C3orf18: variants seen among roughly 807,000 people sequenced by gnomAD.
C3orf18 encodes uncharacterized protein C3orf18.
A neutral mutation model predicts 14.1 loss-of-function variants in C3orf18; 12 were observed. The observed-to-expected ratio is 0.85, with a 90% CI of 0.55 to 1.38. C3orf18 has a LOEUF of 1.38. Ranked by LOEUF, C3orf18 falls within the 40% of genes most tolerant of loss-of-function variation. The pLI is 0.00. For synonymous variants in C3orf18, 82 were observed against 87.9 expected (o/e 0.93, Z 0.38); for missense variants, 196 against 213.9 (o/e 0.92, Z 0.52).
Position 50,559,441 on chromosome 3 carries a change from C to T in C3orf18, c.*216G>A. 7.1e-7 allele frequency: 1 copy of T among 1,404,358 alleles called. No homozygotes were observed. The allele number at this position is 1,404,358 out of a possible 1,614,324, so 87.0% of individuals were successfully genotyped here. ...GCCCTCTGTGCCAGGGCCCTCAGGTCAGGAGAAGTCAGTGGTCAGAAGTCC... is the reference window on the plus strand; with the variant it reads ...GCCCTCTGTGCCAGGGCCCTCAGGTTAGGAGAAGTCAGTGGTCAGAAGTCC... On this transcript the variant is annotated 3_prime_UTR_variant, in exon 6 of 6. Coordinates refer to ENST00000357203, the MANE Select transcript of C3orf18 (RefSeq NM_016210.5).
intron 4 of C3orf18, 55 bp downstream of exon 4, chr3:50,561,667 G>A: frequency 1.3e-6 from 2 of 1,568,862 alleles, no homozygotes; most frequent in Non-Finnish European, 1.8e-6. Context: ...GCCCAGCCCA[G>A]CACTCCCCAT....
At chr3:50,563,860 TC>T (rs1299017689) in intron 3 of C3orf18, among the ~76,000 whole-genome samples, 1 of 152,258 alleles carries the variant, frequency 6.6e-6, no homozygotes, top group Non-Finnish European at 1.5e-5. Context: ...ACAAAACCTT[TC>T]ACTGAAAGTA....
chr3:50,573,131 C>T (rs1701203275), upstream of C3orf18, among the ~76,000 whole-genome samples: 1 of 152,220 alleles, frequency 6.6e-6, no homozygotes, highest in Non-Finnish European at 1.5e-5. Context: ...GTTGGGAGGC[C>T]AGGTCCTTGC....
rs982524531 is a variant in C3orf18, at chr3:50,565,224, G to A, written c.234+242C>T. On this transcript the variant is annotated intron_variant, in intron 3 of 5. Transcript: ENST00000357203. The surrounding 1 kb of genome is among the most constrained non-coding windows in gnomAD (Gnocchi z 4.4). ...TCTACTAAAAATACAAAAATTAGCC[G>A]GGCGTGGCAGCTCACACCTGTAATC... Among the ~76,000 whole-genome samples the A allele has an allele frequency of 2.8e-4, 42 of 152,004 alleles. No homozygotes were observed. Among genetic ancestry groups the A allele is most frequent in the African/African-American group, 7.3e-4 (30 of 41,354 alleles).
rs1474411171 is a variant in C3orf18 at position 50,561,704 on chromosome 3, G to A, written c.260+18C>T. ...GCCTCAAGTTTTGGGTGGGATTTGG[G>A]TTTGGGTGGGGAATTACCTCTTCTT... is the stretch of plus-strand genomic sequence containing the variant. On this transcript the variant is annotated intron_variant, in intron 4 of 5. Coordinates refer to ENST00000357203, the MANE Select transcript of C3orf18 (RefSeq NM_016210.5). The A allele has an allele frequency of 3.7e-6, 6 of 1,612,992 alleles. 1 individual carries two copies. In the South Asian group the frequency reaches 5.5e-5, roughly 15 times the overall value.
chr3:50,559,753 C>T lies in C3orf18; in HGVS notation c.409-16G>A. ...GCAGAGTAGTCTGCAGGAAGACAGGCAGGGGCATCAGAGACCATGGGCAAG... is the reference window on the plus strand; with the variant it reads ...GCAGAGTAGTCTGCAGGAAGACAGGTAGGGGCATCAGAGACCATGGGCAAG... On this transcript the variant is annotated splice_polypyrimidine_tract_variant and intron_variant, in intron 5 of 5. Transcript: ENST00000357203. 9 of 1,540,672 alleles carry T rather than the reference C, an allele frequency of 5.8e-6. No homozygotes were observed. Among genetic ancestry groups the T allele is most frequent in the Non-Finnish European group, 7.9e-6 (9 of 1,135,804 alleles).
chr3:50,559,232 G>T lies in C3orf18; in HGVS notation c.*425C>A. The T allele has an allele frequency of 7.8e-7, 1 of 1,281,012 alleles. No individual in the cohort carries two copies. The highest frequency in any genetic ancestry group is 1.0e-6 in the Non-Finnish European group (1 of 985,728). 79.4% of individuals were successfully genotyped at this position (1,281,012 alleles called of 1,614,324 possible). ...GTTTCCTCTCCCCACCCCAGAGGAGGCTCCAGATTCCAAAAAACAGGTCTC... is the reference window on the plus strand; with the variant it reads ...GTTTCCTCTCCCCACCCCAGAGGAGTCTCCAGATTCCAAAAAACAGGTCTC... On this transcript the variant is annotated 3_prime_UTR_variant, in exon 6 of 6. Coordinates refer to ENST00000357203, the MANE Select transcript of C3orf18 (RefSeq NM_016210.5).
At chr3:50,562,497 T>C (rs753913874) in intron 3 of C3orf18, 3 of 454,678 alleles carry the variant, frequency 6.6e-6, no homozygotes, top group South Asian at 4.7e-5. Context: ...AGCACATGCC[T>C]GTAGTCCCAG....
In C3orf18 at chr3:50,559,668, T is replaced by C. The variant is rs760664656; in HGVS notation, c.478A>G (p.Ile160Val). 6.3e-7 allele frequency: 1 copy of C among 1,587,626 alleles called. No individual in the cohort carries two copies. The highest frequency in any genetic ancestry group is 8.6e-7 in the Non-Finnish European group (1 of 1,166,272). The change falls in exon 6 of 6, where the codon ATC (isoleucine) becomes GTC (valine). Residue 160 changes from isoleucine to valine, a missense_variant. Coordinates refer to ENST00000357203, the MANE Select transcript of C3orf18 (RefSeq NM_016210.5). ...RLVFTDVANA[I>V]HA is the part of the protein sequence containing the mutation. ...TTGTCCCAGGCCACTCACGCATGGA[T>C]GGCATTGGCCACATCGGTAAACACC... is the stretch of plus-strand genomic sequence containing the variant.
rs996504720 is a variant in C3orf18, at chr3:50,565,093, A to C, written c.234+373T>G. 4.0e-4 allele frequency among the ~76,000 whole-genome samples: 61 copies of C among 152,194 alleles called. No individual in the cohort carries two copies. Among genetic ancestry groups the C allele is most frequent in the African/African-American group, 1.5e-3 (61 of 41,430 alleles). On this transcript the variant is annotated intron_variant, in intron 3 of 5. Coordinates refer to ENST00000357203, the MANE Select transcript of C3orf18 (RefSeq NM_016210.5). The surrounding 1 kb of genome is among the most constrained non-coding windows in gnomAD (Gnocchi z 4.4). ...TCTCATTAATAGATTGTTGGCGGGC[A>C]CAGAGGCTCATGTCTGTAATCCCAG...
rs1314443804 is a variant in C3orf18, at chr3:50,560,937, C to A, written c.388G>T (p.Val130Leu). 1 of 1,613,086 alleles carries A rather than the reference C, an allele frequency of 6.2e-7. No individual in the cohort carries two copies. Among genetic ancestry groups the A allele is most frequent in the African/African-American group, 1.3e-5 (1 of 74,932 alleles). Residue 130 changes from valine (V) to leucine (L), a missense_variant, in exon 5 of 6, where the codon GTG becomes TTG. By Grantham distance (32) the Val-to-Leu change is conservative. Transcript: ENST00000357203. The part of the protein sequence containing the change: ...DAASVQAATS[V>L]QAMQGKTTLP... ...CCCACCTTGCCCTGCATGGCCTGCACAGAAGTAGCAGCCTGTACAGAGGCG... is the reference window on the plus strand; with the variant it reads ...CCCACCTTGCCCTGCATGGCCTGCAAAGAAGTAGCAGCCTGTACAGAGGCG...
chr3:50,572,595 G>A (rs979425549), upstream of C3orf18, among the ~76,000 whole-genome samples: 5 of 152,178 alleles, frequency 3.3e-5, no homozygotes, highest in South Asian at 2.1e-4. Context: ...GGCTCCAGCC[G>A]GACACCTGGA....
upstream of C3orf18, chr3:50,571,412 C>G (rs1575889536): frequency 4.7e-6 from 5 of 1,071,634 alleles, no homozygotes; most frequent in Admixed American, 9.8e-5. Context: ...TTTCTGTTCA[C>G]TAAGAGTGCT....
In C3orf18 at chr3:50,561,711, T is replaced by TG. The variant is rs1559437341; in HGVS notation, c.260+10dup. On this transcript the variant is annotated intron_variant, in intron 4 of 5. Coordinates refer to ENST00000357203, the MANE Select transcript of C3orf18 (RefSeq NM_016210.5). ...GTTTTGGGTGGGATTTGGGTTTGGG[T>TG]GGGGAATTACCTCTTCTTCTTCCTG... 2 of 1,613,258 alleles carry TG rather than the reference T, an allele frequency of 1.2e-6. No homozygotes were observed. The highest frequency in any genetic ancestry group is 1.7e-6 in the Non-Finnish European group (2 of 1,179,862).
chr3:50,569,731 G>GT (rs1352498765), upstream of C3orf18: 2 of 152,458 alleles, frequency 1.3e-5, no homozygotes, highest in African/African-American at 4.8e-5. Context: ...CTGTGAGGGA[G>GT]TTTACACTTC....
chr3:50,571,689 T>A, upstream of C3orf18: 1 of 1,612,932 alleles, frequency 6.2e-7, no homozygotes, highest in Non-Finnish European at 8.5e-7. Context: ...AGCCAGCCAC[T>A]TATATTCTCT....
In C3orf18 at chr3:50,561,076, G is replaced by A. The variant is rs1699937138; in HGVS notation, c.261-12C>T. On this transcript the variant is annotated splice_polypyrimidine_tract_variant and intron_variant, in intron 4 of 5. Coordinates refer to ENST00000357203, the MANE Select transcript of C3orf18 (RefSeq NM_016210.5). ...GTAGCTTCTCCAGCCTGGGGATGGG[G>A]GCAAAGGCTGCTGGGGACAGGGCAG... 1 of 1,613,046 alleles carries A rather than the reference G, an allele frequency of 6.2e-7. No homozygotes were observed. Among genetic ancestry groups the A allele is most frequent in the African/African-American group, 1.3e-5 (1 of 75,066 alleles).
chr3:50,558,800 C>A lies in C3orf18; in HGVS notation c.*857G>T, dbSNP rs1699796606. On this transcript the variant is annotated 3_prime_UTR_variant, in exon 6 of 6. Transcript: ENST00000357203. Reference sequence around the variant, plus strand: ...GATTGAAGGCAGAGAAGATAGCCTACCCTGATGCTCCACTACATACCATGG... The same window carrying A: ...GATTGAAGGCAGAGAAGATAGCCTAACCTGATGCTCCACTACATACCATGG... 1.6e-6 allele frequency: 2 copies of A among 1,289,870 alleles called. No individual in the cohort carries two copies. The highest frequency in any genetic ancestry group is 2.0e-6 in the Non-Finnish European group (2 of 988,876). 79.9% of individuals were successfully genotyped at this position (1,289,870 alleles called of 1,614,324 possible). A position where few individuals can be genotyped will look rare whatever the true frequency, so the allele number is the denominator to read the frequency against.
chr3:50,562,913 G>A (rs1435133471), intron 3 of C3orf18, among the ~76,000 whole-genome samples: 1 of 152,152 alleles, frequency 6.6e-6, no homozygotes, highest in Non-Finnish European at 1.5e-5. Flanking sequence ...ACAATGCCCT[G>A]AGGAGAGGGA....
Sources: gnomAD v4.1 joint callset for allele counts (sites outside exome capture counted in the v4.1 genomes callset) on GRCh38, gnomAD v4.1.1 for gene constraint, Gnocchi (gnomAD v3.1) non-coding constraint, MANE v1.5 for transcripts, NCBI Gene and HGNC (gene_info 2026-07-23, HGNC 2026-07-21) for gene names.